UGT2B4: variants seen among roughly 807,000 people sequenced by gnomAD.
UGT2B4 encodes UDP-glucuronosyltransferase 2B4.
In UGT2B4, 49 loss-of-function variants were observed where a neutral mutation model predicts 49.8. The ratio of observed to expected loss-of-function variants is 0.98; its 90% CI spans 0.78 to 1.25. The LOEUF (loss-of-function observed/expected upper bound fraction) is 1.25. Ranked by LOEUF, UGT2B4 falls within the 50% of genes most tolerant of loss-of-function variation. The pLI, the probability that UGT2B4 is intolerant of heterozygous loss-of-function variation, is 0.00. For synonymous variants in UGT2B4, 246 were observed against 217.7 expected, an observed-to-expected ratio of 1.13 and a Z score of -1.14; for missense variants, 729 against 627.7, an observed-to-expected ratio of 1.16 and a Z score of -1.73.
At chr4:69,510,111 C>A (rs1728570575) in intron 1 of UGT2B4, among the ~76,000 whole-genome samples, 1 of 152,138 alleles carries the variant, frequency 6.6e-6, no homozygotes, top group Non-Finnish European at 1.5e-5. Flanking sequence ...AAGAGACTGA[C>A]ATTCCTCATT....
intron 1 of UGT2B4, among the ~76,000 whole-genome samples, chr4:69,522,164 T>C (rs1239226029): frequency 6.6e-6 from 1 of 151,964 alleles, no homozygotes; most frequent in African/African-American, 2.4e-5. Context: ...AAACAAATAA[T>C]ATAGGTTTAC....
chr4:69,498,696 A>G (rs1455381881), upstream of UGT2B4, among the ~76,000 whole-genome samples: 2 of 152,036 alleles, frequency 1.3e-5, no homozygotes, highest in African/African-American at 2.4e-5. Flanking sequence ...TTGTGTTTCT[A>G]TGGAGTCAGT....
At chr4:69,497,406 T>A (rs1019189028), upstream of UGT2B4, among the ~76,000 whole-genome samples, 2 of 152,228 alleles carry the variant, frequency 1.3e-5, no homozygotes, top group African/African-American at 4.8e-5. Flanking sequence ...TCCAACTATC[T>A]TCCTTCTCAG....
rs377716524 is a variant in UGT2B4, at chr4:69,520,854, A to T, written c.-106+4833T>A. ...CAGACTCCTGGGCGGTAAGAGGCAG[A>T]TCCCTGATGAAGCCCCATCTTCAAG... On this transcript the variant is annotated intron_variant, in intron 1 of 1. Coordinates refer to the UGT2B4 transcript ENST00000510114. 1.4e-4 allele frequency among the ~76,000 whole-genome samples: 21 copies of T among 152,312 alleles called. No homozygotes were observed. The East Asian group carries it at 2.5e-3, about 18-fold the overall frequency.
upstream of UGT2B4, among the ~76,000 whole-genome samples, chr4:69,500,723 A>C (rs1165110386): frequency 6.6e-6 from 1 of 152,122 alleles, no homozygotes; most frequent in African/African-American, 2.4e-5. Context: ...AGCAATGCAG[A>C]GCCAAGCAAA....
Position 69,495,878 on chromosome 4 carries a change from G to A in UGT2B4, c.-17C>T. 1 of 1,557,950 alleles carries A rather than the reference G, an allele frequency of 6.4e-7. No homozygotes were observed. Among genetic ancestry groups the A allele is most frequent in the Non-Finnish European group, 8.7e-7 (1 of 1,155,574 alleles). On this transcript the variant is annotated 5_prime_UTR_variant, in exon 1 of 6. Coordinates refer to ENST00000305107, the MANE Select transcript of UGT2B4 (RefSeq NM_021139.3). ...CATAGACATCCTGATGCAATGCAAT[G>A]CTTGTTTTCCAGTTGCTGCTCCTTT... is the stretch of plus-strand genomic sequence containing the variant.
intron 2 of UGT2B4, among the ~76,000 whole-genome samples, chr4:69,493,338 A>G (rs1728048740): frequency 1.3e-5 from 2 of 152,096 alleles, no homozygotes; most frequent in Non-Finnish European, 2.9e-5. Context: ...TTCAAAATAG[A>G]ATGTAAGGTG....
At chr4:69,507,286 T>C (rs970630193) in intron 1 of UGT2B4, among the ~76,000 whole-genome samples, 13 of 152,164 alleles carry the variant, frequency 8.5e-5, no homozygotes, top group Non-Finnish European at 1.8e-4. Context: ...TCAAATTATC[T>C]TTATTTGCAG....
intron 3 of UGT2B4, among the ~76,000 whole-genome samples, chr4:69,488,175 G>T (rs994314792): frequency 1.3e-5 from 2 of 151,966 alleles, no homozygotes; most frequent in Admixed American, 1.3e-4. Flanking sequence ...TGCTAATTTT[G>T]GATATTTTGT....
chr4:69,510,977 C>CCTTTTTTTTTTTTTTTTTT (rs1486311871), intron 1 of UGT2B4, among the ~76,000 whole-genome samples: 1 of 98,168 alleles, frequency 1.0e-5, no homozygotes, highest in African/African-American at 3.6e-5. Context: ...AATACTCTTT[C>CCTTTTTTTTTTTTTTTTTT]TTTTCTTTTC....
intron 1 of UGT2B4, among the ~76,000 whole-genome samples, chr4:69,504,348 C>A (rs1728418161): frequency 6.6e-6 from 1 of 151,994 alleles, no homozygotes; most frequent in East Asian, 1.9e-4. Flanking sequence ...ATCATAGGAG[C>A]AAAATATAGT....
chr4:69,496,520 T>C (rs1278632003), upstream of UGT2B4, among the ~76,000 whole-genome samples: 1 of 152,254 alleles, frequency 6.6e-6, no homozygotes, highest in African/African-American at 2.4e-5. Context: ...TTTGTTGACG[T>C]ATAATTCAGA....
chr4:69,515,339 T>C (rs1728703614), intron 1 of UGT2B4, among the ~76,000 whole-genome samples: 1 of 152,038 alleles, frequency 6.6e-6, no homozygotes, highest in Non-Finnish European at 1.5e-5. Context: ...ACACACAAAT[T>C]AGAACTAAAG....
intron 1 of UGT2B4, among the ~76,000 whole-genome samples, chr4:69,508,792 G>A (rs1238818122): frequency 1.3e-5 from 2 of 152,114 alleles, no homozygotes; most frequent in African/African-American, 4.8e-5. Flanking sequence ...ATTATGCACA[G>A]CAAACCCCAT....
chr4:69,496,186 A>C (rs1370018813), upstream of UGT2B4, among the ~76,000 whole-genome samples: 1 of 151,646 alleles, frequency 6.6e-6, no homozygotes, highest in Non-Finnish European at 1.5e-5. Flanking sequence ...CACCGCACCC[A>C]GCTAATTTTT....
At chr4:69,524,433 A>G (rs72646774) in intron 1 of UGT2B4, among the ~76,000 whole-genome samples, 53,274 of 151,778 alleles carry the variant, frequency 0.35, 9,443 homozygotes, top group Non-Finnish European at 0.37. Flanking sequence ...AAAGTGGTTC[A>G]TGGGGCACTC....
At chr4:69,512,608 C>G (rs1728634460) in intron 1 of UGT2B4, among the ~76,000 whole-genome samples, 1 of 152,128 alleles carries the variant, frequency 6.6e-6, no homozygotes, top group South Asian at 2.1e-4. Context: ...CATTCTGCCT[C>G]TAGGTCTTTG....
intron 1 of UGT2B4, among the ~76,000 whole-genome samples, chr4:69,494,933 G>A (rs1728100346): frequency 6.6e-6 from 1 of 152,108 alleles, no homozygotes; most frequent in Non-Finnish European, 1.5e-5. Context: ...GGAGTCTTCT[G>A]TATGAGTGAT....
chr4:69,488,412 A>T (rs1025795670), intron 3 of UGT2B4, among the ~76,000 whole-genome samples: 1 of 152,118 alleles, frequency 6.6e-6, no homozygotes, highest in Non-Finnish European at 1.5e-5. Context: ...TTAAAAAAAA[A>T]TAATTTACGG....
Sources: gnomAD v4.1 joint callset for allele counts (sites outside exome capture counted in the v4.1 genomes callset) on GRCh38, gnomAD v4.1.1 for gene constraint, MANE v1.5 for transcripts, NCBI Gene and HGNC (gene_info 2026-07-23, HGNC 2026-07-21) for gene names.